C1QTNF3: variants seen among roughly 807,000 people sequenced by gnomAD.
The protein encoded by C1QTNF3 is C1q and TNF related 3.
A neutral mutation model predicts 32.6 loss-of-function variants in C1QTNF3; 26 were observed. That is an observed-to-expected ratio of 0.80 (90% CI 0.58 to 1.11). C1QTNF3 has a LOEUF of 1.11. Among genes scored for constraint, C1QTNF3 ranks in the 50% least tolerant of loss-of-function variants. C1QTNF3 has a pLI of 0.00. For missense variants in C1QTNF3, 362 were observed against 398.2 expected (o/e 0.91, Z 0.77); for synonymous variants, 155 against 146.0 (o/e 1.06, Z -0.44).
the C1QTNF3 span, chr5:34,158,600 T>A: frequency 6.6e-6 from 1 of 152,152 alleles, no homozygotes; most frequent in African/African-American, 2.4e-5. Flanking sequence ...ATAATAATTA[T>A]GTAGTTTCCT....
the C1QTNF3 span, among the ~76,000 whole-genome samples, chr5:34,244,332 CCAAA>C: frequency 2.6e-5 from 4 of 152,214 alleles, no homozygotes; most frequent in East Asian, 7.7e-4. Flanking sequence ...CTGCGCAGAG[CCAAA>C]CAGTGAGCAG....
the C1QTNF3 span, among the ~76,000 whole-genome samples, chr5:34,071,853 C>A: frequency 2.6e-5 from 4 of 152,142 alleles, no homozygotes; most frequent in Non-Finnish European, 5.9e-5. Context: ...CTGTTCCAAG[C>A]TGAAGTTCCA....
intron 5 of C1QTNF3, among the ~76,000 whole-genome samples, chr5:34,023,091 G>A (rs550688986): frequency 6.6e-6 from 1 of 152,106 alleles, no homozygotes; most frequent in Admixed American, 6.6e-5. Context: ...TCCAGACCTC[G>A]TGATCTGTCC....
In C1QTNF3 at chr5:34,033,411, C is replaced by T; in HGVS notation, c.463G>A (p.Ala155Thr). The change falls in exon 3 of 6, where the codon GCC becomes ACC. Residue 155 changes from alanine (A) to threonine (T), a missense_variant. Transcript: ENST00000382065. Reference protein sequence around the residue: ...GNNGATGHEGAKGEKGDKGDL... With the variant: ...GNNGATGHEGTKGEKGDKGDL... ...CCTTTGTCGCCCTTCTCACCTTTGG[C>T]TCCTTCATGACCAGTGGCTCCATTG... 6.2e-7 allele frequency: 1 copy of T among 1,614,208 alleles called. No homozygotes were observed.
chr5:34,022,229 G>T (rs565333801), intron 5 of C1QTNF3, among the ~76,000 whole-genome samples: 1 of 152,276 alleles, frequency 6.6e-6, no homozygotes, highest in South Asian at 2.1e-4. Context: ...GTAAAAGCCT[G>T]CCAAGTAAGT....
At chr5:34,227,697 A>T in the C1QTNF3 span, among the ~76,000 whole-genome samples, 1 of 151,988 alleles carries the variant, frequency 6.6e-6, no homozygotes, top group Admixed American at 6.6e-5. Flanking sequence ...GCAATGGGTT[A>T]ACATAAACTT....
chr5:34,225,663 A>C, the C1QTNF3 span, among the ~76,000 whole-genome samples: 31 of 151,594 alleles, frequency 2.0e-4, no homozygotes, highest in Non-Finnish European at 3.7e-4. Flanking sequence ...TCATAGTCTA[A>C]ATTTTTTTTT....
upstream of C1QTNF3, chr5:34,043,857 T>A (rs966587513): frequency 2.0e-5 from 3 of 152,218 alleles, no homozygotes; most frequent in African/African-American, 7.2e-5. Context: ...ACTAAGTCAC[T>A]TATTGTCAGA....
the C1QTNF3 span, among the ~76,000 whole-genome samples, chr5:34,067,889 C>T: frequency 1.2e-4 from 18 of 152,246 alleles, no homozygotes; most frequent in East Asian, 2.9e-3. Context: ...TTAATATATG[C>T]ATGCAGTTGA....
At chr5:34,074,221 AAAGAT>A in the C1QTNF3 span, among the ~76,000 whole-genome samples, 1 of 149,228 alleles carries the variant, frequency 6.7e-6, no homozygotes, top group Admixed American at 6.6e-5. Flanking sequence ...TGTCTACAAG[AAAGAT>A]AAGAGCAGTC....
chr5:34,067,552 A>G, the C1QTNF3 span, among the ~76,000 whole-genome samples: 1 of 152,214 alleles, frequency 6.6e-6, no homozygotes, highest in Non-Finnish European at 1.5e-5. Context: ...TCATCTTTAT[A>G]AAACCATCAG....
At chr5:34,087,884 CT>C in the C1QTNF3 span, among the ~76,000 whole-genome samples, 6 of 152,194 alleles carry the variant, frequency 3.9e-5, no homozygotes, top group Non-Finnish European at 8.8e-5. Context: ...GCATCTGGCC[CT>C]TTTATTTTTT....
the C1QTNF3 span, among the ~76,000 whole-genome samples, chr5:34,062,098 G>C: frequency 6.6e-6 from 1 of 152,140 alleles, no homozygotes; most frequent in East Asian, 1.9e-4. Flanking sequence ...CAAGTTCAAA[G>C]TTCCACAGGT....
upstream of C1QTNF3, among the ~76,000 whole-genome samples, chr5:34,047,454 G>A (rs1231876234): frequency 6.6e-6 from 1 of 152,262 alleles, no homozygotes; most frequent in African/African-American, 2.4e-5. Flanking sequence ...TAAGCCAAAA[G>A]GAGATCAGTT....
At chr5:34,211,579 C>A in the C1QTNF3 span, among the ~76,000 whole-genome samples, 1 of 128,508 alleles carries the variant, frequency 7.8e-6, no homozygotes, top group Admixed American at 9.9e-5. Flanking sequence ...GTGTGATGTT[C>A]CCCTTCCTGT....
chr5:34,208,171 G>A, the C1QTNF3 span, among the ~76,000 whole-genome samples: 36 of 152,148 alleles, frequency 2.4e-4, no homozygotes, highest in Admixed American at 1.0e-3. Flanking sequence ...GGTCACTTAC[G>A]GAAGTCTCAA....
the C1QTNF3 span, among the ~76,000 whole-genome samples, chr5:34,075,066 A>G: frequency 6.6e-6 from 1 of 151,826 alleles, no homozygotes; most frequent in African/African-American, 2.4e-5. Context: ...AAACAGAAAA[A>G]AAGAATCAGA....
the C1QTNF3 span, among the ~76,000 whole-genome samples, chr5:34,209,509 A>C: frequency 6.6e-6 from 1 of 151,172 alleles, no homozygotes; most frequent in East Asian, 1.9e-4. Flanking sequence ...AAGAATTTTA[A>C]ATTTATACAT....
At chr5:34,038,163 T>C (rs991695682) in intron 1 of C1QTNF3, among the ~76,000 whole-genome samples, 13 of 152,118 alleles carry the variant, frequency 8.5e-5, no homozygotes, top group African/African-American at 2.9e-4. Flanking sequence ...AATCAGAGGA[T>C]TGGATGAGGT....
Sources: allele counts gnomAD v4.1 joint callset (sites outside exome capture counted in the v4.1 genomes callset), GRCh38; gene constraint gnomAD v4.1.1; transcripts MANE v1.5; gene names NCBI Gene and HGNC (gene_info 2026-07-23, HGNC 2026-07-21).